Variants in BNC2 observed in about 807,000 individuals in gnomAD.
BNC2 encodes zinc finger protein basonuclin-2.
Under a neutral mutation model 76.3 loss-of-function variants are expected in BNC2, and 20 were observed. The observed-to-expected ratio is 0.26, with a 90% CI of 0.18 to 0.38. BNC2 has a LOEUF of 0.38. Among genes scored for constraint, BNC2 ranks in the 10% least tolerant of loss-of-function variants. The probability of loss-of-function intolerance (pLI) is 1.00; values close to 1 mark genes in which losing one functional copy is unlikely to be tolerated. For synonymous variants in BNC2, 582 were observed against 514.8 expected (o/e 1.13, Z -1.77); for missense variants, 1,382 against 1,399.8 (o/e 0.99, Z 0.20).
chr9:16,769,275 C>T (rs1825772836), intron 1 of BNC2, among the ~76,000 whole-genome samples: 2 of 152,140 alleles, frequency 1.3e-5, no homozygotes, highest in Admixed American at 6.5e-5. Flanking sequence ...CACGTCTGTT[C>T]GTGTCACTGC....
intron 5 of BNC2, among the ~76,000 whole-genome samples, chr9:16,487,642 G>A (rs996603599): frequency 6.6e-6 from 1 of 152,148 alleles, no homozygotes; most frequent in African/African-American, 2.4e-5. Flanking sequence ...CAAGTCCTAT[G>A]AGAAAAAAGT....
chr9:16,850,775 G>A (rs1819109043), intron 1 of BNC2, among the ~76,000 whole-genome samples: 1 of 151,466 alleles, frequency 6.6e-6, no homozygotes, highest in South Asian at 2.1e-4. Context: ...TCCGGTCAGG[G>A]TGACAGAGGG....
chr9:16,492,700 G>A (rs530765547), intron 5 of BNC2, among the ~76,000 whole-genome samples: 3 of 150,746 alleles, frequency 2.0e-5, no homozygotes, highest in Admixed American at 6.6e-5. Context: ...TCCATCCTTC[G>A]AGGGTGGTAA....
At chr9:16,477,184 G>A (rs1293036928) in intron 5 of BNC2, among the ~76,000 whole-genome samples, 1 of 152,164 alleles carries the variant, frequency 6.6e-6, no homozygotes, top group Admixed American at 6.5e-5. Context: ...TTGAGGCCAG[G>A]AGCTGGAGGT....
At chr9:16,649,067 A>G (rs1821721002) in intron 3 of BNC2, among the ~76,000 whole-genome samples, 1 of 152,234 alleles carries the variant, frequency 6.6e-6, no homozygotes, top group Non-Finnish European at 1.5e-5. Flanking sequence ...GTGAATGCAT[A>G]TATCATCCCA....
chr9:16,446,665 T>C (rs1156268913), intron 5 of BNC2, among the ~76,000 whole-genome samples: 3 of 152,154 alleles, frequency 2.0e-5, no homozygotes, highest in Non-Finnish European at 4.4e-5. Flanking sequence ...ATTTAAAAAA[T>C]TTACTGTTAC....
intron 1 of BNC2, among the ~76,000 whole-genome samples, chr9:16,862,146 T>A (rs973218185): frequency 6.6e-6 from 1 of 152,174 alleles, no homozygotes; most frequent in Admixed American, 6.5e-5. Flanking sequence ...GGCCATACTA[T>A]CCAACAATTC....
Position 16,418,933 on chromosome 9 carries a change from G to T in BNC2, c.*56C>A. On this transcript the variant is annotated 3_prime_UTR_variant, in exon 7 of 7. Transcript: ENST00000380672. ...ACATAAGCGCACACTGACTATGGCAGTTCAAACACGTAGGCCATCTGGTGA... is the reference window on the plus strand; with the variant it reads ...ACATAAGCGCACACTGACTATGGCATTTCAAACACGTAGGCCATCTGGTGA... The T allele has an allele frequency of 1.3e-6, 2 of 1,589,802 alleles. No individual in the cohort carries two copies. The highest frequency in any genetic ancestry group is 1.1e-5 in the South Asian group (1 of 90,432).
intron 1 of BNC2, among the ~76,000 whole-genome samples, chr9:16,788,356 A>T (rs1321503408): frequency 6.6e-6 from 1 of 151,722 alleles, no homozygotes; most frequent in Non-Finnish European, 1.5e-5. Flanking sequence ...GATCGAGACC[A>T]TCCTGGCTAA....
chr9:16,668,804 T>A (rs542416047), intron 3 of BNC2, among the ~76,000 whole-genome samples: 17 of 152,304 alleles, frequency 1.1e-4, no homozygotes, highest in African/African-American at 3.8e-4. Flanking sequence ...TGAATATCAA[T>A]TTTTTTAGAG....
intron 1 of BNC2, among the ~76,000 whole-genome samples, chr9:16,799,218 G>A (rs1281889774): frequency 6.6e-6 from 1 of 152,050 alleles, no homozygotes; most frequent in African/African-American, 2.4e-5. Context: ...TAACTCCAGA[G>A]GCAACAACTG....
intron 5 of BNC2, among the ~76,000 whole-genome samples, chr9:16,480,510 G>C (rs559346596): frequency 3.3e-5 from 5 of 152,330 alleles, no homozygotes; most frequent in African/African-American, 1.2e-4. Flanking sequence ...GGTGTGGAGG[G>C]AGAGGCGGGA....
intron 5 of BNC2, among the ~76,000 whole-genome samples, chr9:16,469,992 CTTTTTTTTTTT>C (rs201134930): frequency 7.0e-5 from 8 of 114,994 alleles, no homozygotes; most frequent in Middle Eastern, 5.5e-3. Context: ...TAATGGCATT[CTTTTTTTTTTT>C]TTTTTTTTTT....
chr9:16,840,386 G>A (rs1405197262), intron 1 of BNC2, among the ~76,000 whole-genome samples: 9 of 152,232 alleles, frequency 5.9e-5, no homozygotes, highest in East Asian at 1.9e-4. Context: ...TCATATCCAC[G>A]CAGTTAATGA....
intron 4 of BNC2, among the ~76,000 whole-genome samples, chr9:16,578,583 T>C (rs183859492): frequency 6.6e-6 from 1 of 152,116 alleles, no homozygotes; most frequent in Non-Finnish European, 1.5e-5. Flanking sequence ...TGTAAAATAT[T>C]TGGCTGAAGT....
intron 6 of BNC2, among the ~76,000 whole-genome samples, chr9:16,427,248 T>C (rs909292930): frequency 6.6e-6 from 1 of 152,230 alleles, no homozygotes; most frequent in Non-Finnish European, 1.5e-5. Context: ...ATAGGAGCTC[T>C]GCAGTCTATT....
intron 3 of BNC2, among the ~76,000 whole-genome samples, chr9:16,720,122 G>GC (rs1824106943): frequency 6.6e-6 from 1 of 152,172 alleles, no homozygotes; most frequent in Non-Finnish European, 1.5e-5. Flanking sequence ...CTTACTCAAA[G>GC]AACCCTTCTA....
chr9:16,795,338 C>G (rs549185289), intron 1 of BNC2, among the ~76,000 whole-genome samples: 3 of 150,960 alleles, frequency 2.0e-5, no homozygotes, highest in East Asian at 1.9e-4. Context: ...CTACACACAA[C>G]AGAACTGACA....
intron 3 of BNC2, among the ~76,000 whole-genome samples, chr9:16,713,170 T>A (rs2134748865): frequency 6.6e-6 from 1 of 152,306 alleles, no homozygotes. Flanking sequence ...CACTTTTTTT[T>A]AAGGACTGCA....
Sources: gnomAD v4.1 joint callset for allele counts (sites outside exome capture counted in the v4.1 genomes callset) on GRCh38, gnomAD v4.1.1 for gene constraint, MANE v1.5 for transcripts, NCBI Gene and HGNC (gene_info 2026-07-23, HGNC 2026-07-21) for gene names.